ADGRD1: variants seen among roughly 807,000 people sequenced by gnomAD.
ADGRD1 encodes the protein G-protein coupled receptor 133.
Under a neutral mutation model 113.4 loss-of-function variants are expected in ADGRD1, and 77 were observed. That is an observed-to-expected ratio of 0.68 (90% CI 0.57 to 0.82). ADGRD1 has a LOEUF of 0.82. ADGRD1 is among the 40% of genes least tolerant of loss of function. ADGRD1 has a pLI of 0.00. For synonymous variants in ADGRD1, 474 were observed against 475.0 expected, an observed-to-expected ratio of 1.00 and a Z score of 0.03; for missense variants, 1,036 against 1,139.1, an observed-to-expected ratio of 0.91 and a Z score of 1.30.
At chr12:131,125,647 C>G (rs1950722952) in intron 20 of ADGRD1, among the ~76,000 whole-genome samples, 1 of 152,132 alleles carries the variant, frequency 6.6e-6, no homozygotes, top group South Asian at 2.1e-4. Flanking sequence ...TGCATAGGTA[C>G]AGATAAGCAT....
intron 15 of ADGRD1, among the ~76,000 whole-genome samples, chr12:131,085,426 G>A (rs1214114651): frequency 6.6e-6 from 1 of 152,138 alleles, no homozygotes; most frequent in African/African-American, 2.4e-5. Context: ...GAGGCGGGAG[G>A]CAGGGAGGAG....
In ADGRD1 at chr12:131,117,526, G is replaced by T. The variant is rs1195931; in HGVS notation, c.2042-859G>T. Among the ~76,000 whole-genome samples the T allele has an allele frequency of 5.3e-5, 8 of 152,172 alleles. No individual in the cohort carries two copies. The East Asian group carries it at 1.4e-3, about 26-fold the overall frequency. On this transcript the variant is annotated intron_variant, in intron 18 of 24. Transcript: ENST00000261654. ...ACATCCTTATCCTCTTAGGGGCTCCGTAGAAAAGAGAGTTTCTTCTCAGCA... is the reference window on the plus strand; with the variant it reads ...ACATCCTTATCCTCTTAGGGGCTCCTTAGAAAAGAGAGTTTCTTCTCAGCA...
intron 18 of ADGRD1, among the ~76,000 whole-genome samples, chr12:131,114,014 C>A (rs886243255): frequency 2.0e-4 from 30 of 152,314 alleles, no homozygotes; most frequent in African/African-American, 7.2e-4. Context: ...CACACACACT[C>A]ACACTCTCCA....
chr12:131,104,911 G>C lies in ADGRD1; in HGVS notation c.1752G>C (p.Thr584=). The change falls in exon 16 of 25, where the codon ACG becomes ACC. Residue 584 remains threonine, a synonymous_variant. Transcript: ENST00000261654. ...CSLSVLCLVA[T]LVTFAVLSSV... ...TCTCCGTGCTCTGCCTGGTGGCCACGCTGGTCACCTTCGCCGTGCTGTCGT... is the reference window on the plus strand; with the variant it reads ...TCTCCGTGCTCTGCCTGGTGGCCACCCTGGTCACCTTCGCCGTGCTGTCGT... 6.4e-7 allele frequency: 1 copy of C among 1,550,504 alleles called. No homozygotes were observed. Among genetic ancestry groups the C allele is most frequent in the Non-Finnish European group, 8.7e-7 (1 of 1,146,522 alleles).
chr12:130,999,856 G>A (rs1876119491), intron 8 of ADGRD1, among the ~76,000 whole-genome samples: 1 of 152,242 alleles, frequency 6.6e-6, no homozygotes, highest in Non-Finnish European at 1.5e-5. Flanking sequence ...TTAGGAAACA[G>A]TAGAAATTAA....
chr12:130,993,062 T>C (rs1055394483), intron 8 of ADGRD1, among the ~76,000 whole-genome samples: 5 of 152,302 alleles, frequency 3.3e-5, no homozygotes, highest in African/African-American at 1.2e-4. Context: ...CACTGACCTT[T>C]GATCTGCAGT....
Position 130,966,420 on chromosome 12 carries a change from C to T in ADGRD1, c.104-43C>T. On this transcript the variant is annotated intron_variant, in intron 2 of 24. Coordinates refer to ENST00000261654, the MANE Select transcript of ADGRD1 (RefSeq NM_198827.5). The surrounding 1 kb of genome is among the most constrained non-coding windows in gnomAD (Gnocchi z 4.6). ...GCGGTTCTTACCCTCTGGTTCTTTC[C>T]TCTCTAATGATGATTTAAAATTTTT... 1.5e-6 allele frequency: 2 copies of T among 1,294,054 alleles called. No homozygotes were observed. The highest frequency in any genetic ancestry group is 2.3e-6 in the Non-Finnish European group (2 of 888,872). The allele number at this position is 1,294,054 out of a possible 1,614,324, so 80.2% of individuals were successfully genotyped here.
At chr12:131,078,155 C>T (rs547742448) in intron 14 of ADGRD1, among the ~76,000 whole-genome samples, 1 of 152,350 alleles carries the variant, frequency 6.6e-6, no homozygotes, top group South Asian at 2.1e-4. Context: ...TCAGAGAAAG[C>T]GTCTCTGCTC....
At chr12:131,006,239 C>T (rs1205279022) in intron 12 of ADGRD1, among the ~76,000 whole-genome samples, 192 bp downstream of exon 12, 1 of 152,218 alleles carries the variant, frequency 6.6e-6, no homozygotes, top group Non-Finnish European at 1.5e-5. Flanking sequence ...TGGGGCCAGG[C>T]TGGTGGAGTG....
intron 14 of ADGRD1, among the ~76,000 whole-genome samples, chr12:131,079,500 A>G (rs1167997437): frequency 6.6e-6 from 1 of 152,168 alleles, no homozygotes; most frequent in Non-Finnish European, 1.5e-5. Context: ...AGGTAATGAT[A>G]CCTTTATAAA....
rs1951194516 is a variant in ADGRD1 at position 131,139,587 on chromosome 12, G to T, written c.*324G>T. 1 of 272,482 alleles carries T rather than the reference G, an allele frequency of 3.7e-6. No individual in the cohort carries two copies. Among genetic ancestry groups the T allele is most frequent in the Admixed American group, 4.7e-5 (1 of 21,106 alleles). The allele number at this position is 272,482 out of a possible 1,614,324, so 16.9% of individuals were successfully genotyped here. A position where few individuals can be genotyped will look rare whatever the true frequency, so the allele number is the denominator to read the frequency against. On this transcript the variant is annotated 3_prime_UTR_variant, in exon 25 of 25. Transcript: ENST00000261654. ...CCTTCATCACTCAGCATCAGACCCA[G>T]CGAGGCCAGGACACTCGGGGCCGGT... is the stretch of plus-strand genomic sequence containing the variant.
At chr12:131,116,009 C>T (rs1423057745) in intron 18 of ADGRD1, among the ~76,000 whole-genome samples, 1 of 152,248 alleles carries the variant, frequency 6.6e-6, no homozygotes, top group African/African-American at 2.4e-5. Flanking sequence ...AGCCCACGCT[C>T]TTCCCACTCA....
chr12:130,981,829 C>A (rs1282218753), intron 4 of ADGRD1, 55 bp from the exon 5 acceptor site: 2 of 1,207,828 alleles, frequency 1.7e-6, no homozygotes, highest in Non-Finnish European at 1.2e-6. Context: ...CATGTGCTTG[C>A]GAGAAGTCAA....
intron 18 of ADGRD1, among the ~76,000 whole-genome samples, chr12:131,116,311 C>T (rs1182399176): frequency 1.3e-5 from 2 of 152,222 alleles, no homozygotes; most frequent in African/African-American, 4.8e-5. Flanking sequence ...CCCAACTGTG[C>T]GCCTCTTCCA....
chr12:131,046,906 C>G (rs1413758542), intron 13 of ADGRD1, among the ~76,000 whole-genome samples: 1 of 148,110 alleles, frequency 6.8e-6, no homozygotes, highest in Non-Finnish European at 1.5e-5. Context: ...AATGCTCCCT[C>G]CCTGGCCAGT....
At position 130,959,445 on chromosome 12, in the gene ADGRD1, C is replaced by G. The variant is rs539131580; in HGVS notation, c.103+4785C>G. The stretch of plus-strand genomic sequence containing the variant: ...ATTCAGCTGAGCATGGTGGTGCATG[C>G]CTCTAGTCCCAGCTACTTGGGAGGC... On this transcript the variant is annotated intron_variant, in intron 2 of 24. Coordinates refer to ENST00000261654, the MANE Select transcript of ADGRD1 (RefSeq NM_198827.5). Among the ~76,000 whole-genome samples the G allele has an allele frequency of 1.1e-4, 17 of 152,258 alleles. No homozygotes were observed. The South Asian group carries it at 2.1e-3, about 19-fold the overall frequency.
chr12:130,988,564 C>G (rs35929656), intron 6 of ADGRD1: 13,688 of 152,296 alleles, frequency 0.09, 801 homozygotes, highest in Middle Eastern at 0.15. Flanking sequence ...GCCAAGAAAG[C>G]CATGTGTTTC....
intron 13 of ADGRD1, among the ~76,000 whole-genome samples, chr12:131,047,073 C>T (rs1489145618): frequency 6.6e-6 from 1 of 152,008 alleles, no homozygotes; most frequent in Non-Finnish European, 1.5e-5. Context: ...GTCAATGCTC[C>T]TCCCTGGTCA....
At chr12:131,033,287 T>C (rs1593081982) in intron 13 of ADGRD1, among the ~76,000 whole-genome samples, 1 of 152,170 alleles carries the variant, frequency 6.6e-6, no homozygotes, top group African/African-American at 2.4e-5. Context: ...AAGGAAGGAC[T>C]TCCAGGCCGG....
Sources: allele counts gnomAD v4.1 joint callset (sites outside exome capture counted in the v4.1 genomes callset), GRCh38; gene constraint gnomAD v4.1.1; non-coding constraint Gnocchi (gnomAD v3.1); transcripts MANE v1.5; gene names NCBI Gene and HGNC (gene_info 2026-07-23, HGNC 2026-07-21).